Variants in IKZF3 observed in about 807,000 individuals in gnomAD.
The protein encoded by IKZF3 is IKAROS family zinc finger 3, also known as zinc finger protein Aiolos.
Under a neutral mutation model 49.0 loss-of-function variants are expected in IKZF3, and 10 were observed. The ratio of observed to expected loss-of-function variants is 0.20; its 90% CI spans 0.13 to 0.35. The LOEUF is 0.35. IKZF3 is among the 10% of genes least tolerant of loss of function. The probability of loss-of-function intolerance (pLI) is 1.00; values close to 1 mark genes in which losing one functional copy is unlikely to be tolerated. For missense variants in IKZF3, 498 were observed against 664.8 expected, an observed-to-expected ratio of 0.75 and a Z score of 2.76; for synonymous variants, 209 against 228.2, an observed-to-expected ratio of 0.92 and a Z score of 0.76.
chr17:39,821,161 G>A (rs181976864), intron 3 of IKZF3, among the ~76,000 whole-genome samples: 1 of 152,250 alleles, frequency 6.6e-6, no homozygotes, highest in African/African-American at 2.4e-5. Flanking sequence ...TGAGGGCCTG[G>A]TACTTGAGAC....
At position 39,760,054 on chromosome 17, in the gene IKZF3, C is replaced by G. The variant is rs2060144502; in HGVS notation, c.*5736G>C. 1 of 151,964 alleles carries G rather than the reference C, an allele frequency of 6.6e-6. No individual in the cohort carries two copies. The highest frequency in any genetic ancestry group is 2.4e-5 in the African/African-American group (1 of 41,338). 9.4% of individuals were successfully genotyped at this position (151,964 alleles called of 1,614,324 possible). The stretch of plus-strand genomic sequence containing the variant: ...ATCTCTGCTAGAGTCCAACATACCT[C>G]TTCTCAGTGGGGTACTCTTTAAAGT... On this transcript the variant is annotated 3_prime_UTR_variant, in exon 8 of 8. Coordinates refer to ENST00000346872, the MANE Select transcript of IKZF3 (RefSeq NM_012481.5).
rs75431389 is a variant in IKZF3 at position 39,804,959 on chromosome 17, T to C, written c.164-12026A>G. On this transcript the variant is annotated intron_variant, in intron 3 of 7. Coordinates refer to ENST00000346872, the MANE Select transcript of IKZF3 (RefSeq NM_012481.5). ...TTGACTCTCAAATTTTTATTTCCGG[T>C]AGACCTGGAAAGCCATAGACATATA... Among the ~76,000 whole-genome samples, 741 of 152,322 alleles carry C rather than the reference T, an allele frequency of 4.9e-3. 7 individuals carry two copies. Among genetic ancestry groups the C allele is most frequent in the African/African-American group, 0.017 (720 of 41,560 alleles).
At chr17:39,805,069 A>G (rs1489362584) in intron 3 of IKZF3, among the ~76,000 whole-genome samples, 1 of 151,920 alleles carries the variant, frequency 6.6e-6, no homozygotes. Flanking sequence ...TATCTCTCCC[A>G]TTTCTTCTCC....
At chr17:39,791,310 A>C in intron 5 of IKZF3, 106 bp downstream of exon 5, 2 of 1,208,044 alleles carry the variant, frequency 1.7e-6, no homozygotes, top group Non-Finnish European at 2.4e-6. Flanking sequence ...ACCCTTCAGA[A>C]CAAGAATGAC....
chr17:39,826,911 C>A (rs2061971768), intron 3 of IKZF3, among the ~76,000 whole-genome samples: 1 of 152,208 alleles, frequency 6.6e-6, no homozygotes, highest in Non-Finnish European at 1.5e-5. Flanking sequence ...GGGGAAGATT[C>A]CCCAGGGGGA....
intron 3 of IKZF3, among the ~76,000 whole-genome samples, chr17:39,818,485 G>C (rs2061727886): frequency 6.6e-6 from 1 of 152,186 alleles, no homozygotes; most frequent in Non-Finnish European, 1.5e-5. Context: ...ACTGCAGAAA[G>C]TGAAACCGCA....
intron 1 of IKZF3, among the ~76,000 whole-genome samples, chr17:39,855,813 G>C (rs866657360): frequency 6.6e-6 from 1 of 152,046 alleles, no homozygotes; most frequent in Non-Finnish European, 1.5e-5. Context: ...AGTAATCTTT[G>C]CTTCAAAGTT....
At chr17:39,832,384 C>T (rs918959799) in intron 1 of IKZF3, among the ~76,000 whole-genome samples, 16 of 151,768 alleles carry the variant, frequency 1.1e-4, no homozygotes, top group African/African-American at 3.9e-4. Flanking sequence ...TCTACTTACA[C>T]CAAGAACAAT....
intron 6 of IKZF3, among the ~76,000 whole-genome samples, chr17:39,786,540 C>T (rs1034308091): frequency 6.6e-6 from 1 of 152,166 alleles, no homozygotes; most frequent in Non-Finnish European, 1.5e-5. Context: ...CTTAAGATGT[C>T]AAAATCTTTC....
At chr17:39,835,712 C>G (rs562827340) in intron 1 of IKZF3, 3 of 496,230 alleles carry the variant, frequency 6.0e-6, no homozygotes, top group Non-Finnish European at 1.2e-5. Flanking sequence ...GCTCCCAGAT[C>G]TCCTCTTCAT....
chr17:39,855,995 TATATGTA>T (rs2063033705), intron 1 of IKZF3, among the ~76,000 whole-genome samples: 1 of 150,748 alleles, frequency 6.6e-6, no homozygotes, highest in African/African-American at 2.5e-5. Context: ...ATGTATATTG[TATATGTA>T]CAATATAACA....
chr17:39,819,897 G>A (rs949527763), intron 3 of IKZF3, among the ~76,000 whole-genome samples: 4 of 152,044 alleles, frequency 2.6e-5, no homozygotes, highest in Non-Finnish European at 4.4e-5. Context: ...TCGAACTCCT[G>A]ACCTCCAGAA....
At chr17:39,796,048 G>C (rs902499037) in intron 3 of IKZF3, among the ~76,000 whole-genome samples, 1 of 151,664 alleles carries the variant, frequency 6.6e-6, no homozygotes, top group African/African-American at 2.4e-5. Context: ...TCTCAAAAAA[G>C]ATAAAATAAA....
chr17:39,852,703 G>A (rs1598215826), intron 1 of IKZF3, among the ~76,000 whole-genome samples: 1 of 152,240 alleles, frequency 6.6e-6, no homozygotes, highest in East Asian at 1.9e-4. Context: ...GGGCGCAGTG[G>A]CTCACACCCA....
intron 6 of IKZF3, among the ~76,000 whole-genome samples, chr17:39,787,757 A>C (rs2060907621): frequency 6.6e-6 from 1 of 152,240 alleles, no homozygotes; most frequent in African/African-American, 2.4e-5. Context: ...TTCAAATGAG[A>C]AGACCAATGA....
chr17:39,855,739 T>G (rs932819799), intron 1 of IKZF3, among the ~76,000 whole-genome samples: 1 of 152,156 alleles, frequency 6.6e-6, no homozygotes, highest in Non-Finnish European at 1.5e-5. Flanking sequence ...CAGGAGTGCT[T>G]CACCTTATTA....
At chr17:39,829,553 A>T in intron 2 of IKZF3, 65 bp from the exon 3 acceptor site, 2 of 1,072,092 alleles carry the variant, frequency 1.9e-6, no homozygotes, top group Non-Finnish European at 2.8e-6. Context: ...AATATATATT[A>T]AGTAGACCCC....
At chr17:39,836,090 G>A in intron 1 of IKZF3, 1 of 659,746 alleles carries the variant, frequency 1.5e-6, no homozygotes. Flanking sequence ...GCGATGAAGG[G>A]GGCAAACTTG....
At chr17:39,838,434 TGTAATTTTTA>T (rs2062366807) in intron 1 of IKZF3, among the ~76,000 whole-genome samples, 1 of 152,240 alleles carries the variant, frequency 6.6e-6, no homozygotes, top group Non-Finnish European at 1.5e-5. Context: ...TTTCAGATAT[TGTAATTTTTA>T]GTTCTAGAAT....
Sources: gnomAD v4.1 joint callset for allele counts (sites outside exome capture counted in the v4.1 genomes callset) on GRCh38, gnomAD v4.1.1 for gene constraint, MANE v1.5 for transcripts, NCBI Gene and HGNC (gene_info 2026-07-23, HGNC 2026-07-21) for gene names.